Variants in FAM178B observed in about 807,000 individuals in gnomAD.
FAM178B encodes the protein protein FAM178B.
In FAM178B, 82 loss-of-function variants were observed where a neutral mutation model predicts 91.7. That is an observed-to-expected ratio of 0.89 (90% CI 0.75 to 1.07). FAM178B has a LOEUF of 1.07. Ranked by LOEUF, FAM178B falls within the 50% of genes least tolerant of loss-of-function variation. The pLI, the probability that FAM178B is intolerant of heterozygous loss-of-function variation, is 0.00. For synonymous variants in FAM178B, 368 were observed against 359.4 expected (o/e 1.02, Z -0.27); for missense variants, 769 against 846.7 (o/e 0.91, Z 1.14).
chr2:96,933,963 C>G (rs1253682963), intron 8 of FAM178B, among the ~76,000 whole-genome samples: 1 of 152,376 alleles, frequency 6.6e-6, no homozygotes, highest in Non-Finnish European at 1.5e-5. Context: ...AATCACTTAT[C>G]TTCCCGCAGC....
At chr2:96,931,567 G>A (rs2081539811) in intron 8 of FAM178B, among the ~76,000 whole-genome samples, 1 of 152,144 alleles carries the variant, frequency 6.6e-6, no homozygotes, top group African/African-American at 2.4e-5. Context: ...GGCATGTCAA[G>A]ACTGGAGGCA....
Position 96,923,511 on chromosome 2 carries a change from G to A in FAM178B, c.1266C>T (p.Ile422=), listed in dbSNP as rs1169029033. The part of the protein sequence containing the change: ...QDAPQEIALD[I]SLGHIYKFLA... ...TCACCTTGTAGATGTGGCCCAGGCTGATGTCCAAGGCAATCTCTTGGGGAG... is the reference window on the plus strand; with the variant it reads ...TCACCTTGTAGATGTGGCCCAGGCTAATGTCCAAGGCAATCTCTTGGGGAG... Residue 422 remains isoleucine (I), a synonymous_variant, in exon 10 of 17, where the codon ATC becomes ATT. Transcript: ENST00000490605. 2 of 1,551,626 alleles carry A rather than the reference G, an allele frequency of 1.3e-6. No individual in the cohort carries two copies. Among genetic ancestry groups the A allele is most frequent in the East Asian group, 4.9e-5 (2 of 40,914 alleles).
intron 9 of FAM178B, among the ~76,000 whole-genome samples, chr2:96,925,399 A>G (rs2081420265): frequency 6.6e-6 from 1 of 152,178 alleles, no homozygotes; most frequent in Admixed American, 6.5e-5. Flanking sequence ...TTGTGAGCCC[A>G]TGGACTAATG....
chr2:96,979,825 CTGACTGACG>C (rs1334488780), intron 1 of FAM178B, among the ~76,000 whole-genome samples: 2 of 152,190 alleles, frequency 1.3e-5, no homozygotes, highest in Non-Finnish European at 1.5e-5. Context: ...AACAGCCATT[CTGACTGACG>C]TGAGTCGGGA....
At chr2:96,971,429 T>C (rs972469825) in intron 3 of FAM178B, among the ~76,000 whole-genome samples, 2 of 152,054 alleles carry the variant, frequency 1.3e-5, no homozygotes, top group Admixed American at 1.3e-4. Context: ...ATCCACAGCC[T>C]GTAAATGTCC....
At chr2:96,960,501 G>A (rs1395714074) in intron 5 of FAM178B, 61 bp from the exon 6 acceptor site, 3 of 1,484,474 alleles carry the variant, frequency 2.0e-6, no homozygotes, top group African/African-American at 1.4e-5. Flanking sequence ...CTGAGGCATG[G>A]CCATTAGCCC....
intron 3 of FAM178B, 102 bp downstream of exon 3, chr2:96,971,799 A>C: frequency 8.8e-7 from 1 of 1,131,632 alleles, no homozygotes. Flanking sequence ...GAGGAAGAGC[A>C]GCTGGGGCGT....
rs776138400 is a variant in FAM178B, at chr2:96,902,706, G to A, written c.1564C>T (p.Arg522Trp). Reference protein sequence around the residue: ...FFPDMTSRSRRLRSQLSLVVI... With the variant: ...FFPDMTSRSRWLRSQLSLVVI... ...ACAAGGCTGAGCTGGCTTCGAAGCC[G>A]CCTGGGGGAAAAGCGACAGCCTGAG... Residue 522 changes from arginine (R) to tryptophan (W), a missense_variant and splice_region_variant, in exon 13 of 17, where the codon CGG becomes TGG. Transcript: ENST00000490605. 42 of 1,549,374 alleles carry A rather than the reference G, an allele frequency of 2.7e-5. No individual in the cohort carries two copies. Among genetic ancestry groups the A allele is most frequent in the African/African-American group, 5.5e-5 (4 of 72,972 alleles).
chr2:96,981,863 T>C (rs1404041462), intron 1 of FAM178B, among the ~76,000 whole-genome samples: 2 of 152,004 alleles, frequency 1.3e-5, no homozygotes, highest in African/African-American at 4.8e-5. Context: ...GTCCAAGAGT[T>C]TGAGACCAGC....
At chr2:96,965,972 T>C (rs2082137673) in intron 5 of FAM178B, among the ~76,000 whole-genome samples, 1 of 152,058 alleles carries the variant, frequency 6.6e-6, no homozygotes, top group Admixed American at 6.5e-5. Context: ...TTTGGATTCC[T>C]GCCAAGGCCT....
intron 12 of FAM178B, among the ~76,000 whole-genome samples, chr2:96,908,684 AT>A (rs1411427656): frequency 1.1e-4 from 16 of 152,230 alleles, no homozygotes; most frequent in Admixed American, 1.0e-3. Context: ...CAGGTGGTAC[AT>A]GGATGATCTC....
At chr2:96,895,165 A>G (rs997290022) in intron 13 of FAM178B, 11 of 1,230,746 alleles carry the variant, frequency 8.9e-6, no homozygotes, top group Non-Finnish European at 1.2e-5. Flanking sequence ...TTTAAAGCAA[A>G]TACATCGTAT....
chr2:96,957,076 G>T (rs2082009995), intron 6 of FAM178B, among the ~76,000 whole-genome samples: 1 of 151,946 alleles, frequency 6.6e-6, no homozygotes, highest in Non-Finnish European at 1.5e-5. Flanking sequence ...TGTTGGCCAG[G>T]CTGCTCTAGA....
chr2:96,960,377 A>AT lies in FAM178B; in HGVS notation c.797_798insA (p.Val267CysfsTer54), dbSNP rs2082062398. 6.4e-7 allele frequency: 1 copy of AT among 1,551,808 alleles called. No homozygotes were observed. The highest frequency in any genetic ancestry group is 8.7e-7 in the Non-Finnish European group (1 of 1,147,044). On this transcript the variant is annotated frameshift_variant, in exon 6 of 17. Transcript: ENST00000490605. LOFTEE classifies it high-confidence loss of function. ...GGGGGTGACACCTGGGCAGAAACAC[A>AT]GTCTCACCTGGATGGACCGGCGGGA...
intron 8 of FAM178B, among the ~76,000 whole-genome samples, chr2:96,931,854 TTG>T (rs1164059528): frequency 1.3e-5 from 2 of 151,700 alleles, no homozygotes; most frequent in Non-Finnish European, 2.9e-5. Flanking sequence ...TCTTGTTTGT[TTG>T]TTTTTTTTTT....
chr2:96,976,023 C>G (rs1037930512), intron 1 of FAM178B, among the ~76,000 whole-genome samples: 1 of 152,136 alleles, frequency 6.6e-6, no homozygotes, highest in Non-Finnish European at 1.5e-5. Flanking sequence ...CAGCAGAATA[C>G]ACATTCTTCC....
chr2:96,951,642 T>C (rs1389038940), intron 6 of FAM178B, 158 bp from the exon 7 acceptor site: 1 of 622,164 alleles, frequency 1.6e-6, no homozygotes, highest in African/African-American at 1.8e-5. Context: ...CAGTGCATGA[T>C]CTGTCAGAAG....
intron 14 of FAM178B, among the ~76,000 whole-genome samples, chr2:96,892,553 G>T (rs2080708057): frequency 6.6e-6 from 1 of 152,162 alleles, no homozygotes; most frequent in African/African-American, 2.4e-5. Context: ...GGCATCCTCA[G>T]CCTGCTCACT....
intron 1 of FAM178B, 41 bp from the exon 2 acceptor site, chr2:96,972,647 G>A: frequency 6.5e-7 from 1 of 1,529,084 alleles, no homozygotes. Context: ...ACCTCCAGAA[G>A]AAAGCTAAAG....
Sources: allele counts gnomAD v4.1 joint callset (sites outside exome capture counted in the v4.1 genomes callset), GRCh38; gene constraint gnomAD v4.1.1; transcripts MANE v1.5; gene names NCBI Gene and HGNC (gene_info 2026-07-23, HGNC 2026-07-21).